Variants in SHANK1 observed in about 807,000 individuals in gnomAD.
SHANK1 encodes the protein SH3 and multiple ankyrin repeat domains 1, also known as SH3 and multiple ankyrin repeat domains protein 1.
SHANK1 carries 35 observed loss-of-function variants against 165.6 expected under a neutral mutation model. The observed-to-expected ratio is 0.21, with a 90% CI of 0.16 to 0.28. The LOEUF is 0.28. Ranked by LOEUF, SHANK1 falls within the 10% of genes least tolerant of loss-of-function variation. SHANK1 has a pLI of 1.00. For missense variants in SHANK1, 2,681 were observed against 3,036.4 expected (o/e 0.88, Z 2.75); for synonymous variants, 1,428 against 1,384.8 (o/e 1.03, Z -0.69).
chr19:50,693,257 A>C (rs1986600934), intron 15 of SHANK1, among the ~76,000 whole-genome samples: 10 of 21,578 alleles, frequency 4.6e-4, no homozygotes, highest in South Asian at 1.4e-3. Context: ...TCCCCACCCC[A>C]TTTCTCTGCT....
Position 50,686,405 on chromosome 19 carries a change from G to A in SHANK1, c.2459-50C>T, listed in dbSNP as rs749966901. 112 of 1,354,428 alleles carry A rather than the reference G, an allele frequency of 8.3e-5. No individual in the cohort carries two copies. The highest frequency in any genetic ancestry group is 1.1e-4 in the Non-Finnish European group (108 of 976,506). 83.9% of individuals were successfully genotyped at this position (1,354,428 alleles called of 1,614,324 possible). On this transcript the variant is annotated intron_variant, in intron 20 of 23. Coordinates refer to ENST00000293441, the MANE Select transcript of SHANK1 (RefSeq NM_016148.5). The surrounding 1 kb of genome is among the most constrained non-coding windows in gnomAD (Gnocchi z 5.7). ...GTGGGAAGACAATGAAATGAAGTTT[G>A]CTTTGACCCGGGCCGCAAAGACCAG...
At chr19:50,694,343 G>A (rs1345789192) in intron 15 of SHANK1, among the ~76,000 whole-genome samples, 1 of 151,368 alleles carries the variant, frequency 6.6e-6, no homozygotes, top group Non-Finnish European at 1.5e-5. Flanking sequence ...GATGGAGGGG[G>A]GATGACTGTG....
chr19:50,694,616 T>C (rs1305795231), intron 15 of SHANK1, among the ~76,000 whole-genome samples: 6 of 52,032 alleles, frequency 1.2e-4, no homozygotes, highest in African/African-American at 4.9e-4. Flanking sequence ...TGGAAGGGCC[T>C]GTGAGGGGGT....
Position 50,704,534 on chromosome 19 carries a change from G to C in SHANK1, c.1078-20C>G. On this transcript the variant is annotated intron_variant, in intron 8 of 23. Coordinates refer to ENST00000293441, the MANE Select transcript of SHANK1 (RefSeq NM_016148.5). ...GGTCTCCTGCGGGTAATGGCCAGTG[G>C]CACAGGACAAAGAGAGAGAGAAAAA... The C allele has an allele frequency of 6.2e-7, 1 of 1,607,014 alleles. No homozygotes were observed. The highest frequency in any genetic ancestry group is 2.2e-5 in the East Asian group (1 of 44,822).
chr19:50,704,262 C>T, intron 9 of SHANK1, 76 bp from the exon 10 acceptor site: 1 of 1,496,568 alleles, frequency 6.7e-7, no homozygotes, highest in South Asian at 1.1e-5. Context: ...GTGGCGAGGT[C>T]CCTGGCCCGA....
chr19:50,691,896 G>A (rs1258393571), intron 15 of SHANK1, among the ~76,000 whole-genome samples: 3 of 151,858 alleles, frequency 2.0e-5, no homozygotes, highest in African/African-American at 4.8e-5. Flanking sequence ...TCTTTCCCAC[G>A]CTGGTCTTGA....
At position 50,715,307 on chromosome 19, in the gene SHANK1, G is replaced by A. The variant is rs941727380; in HGVS notation, c.531+352C>T. ...CTAGGCAGAAGGACCTTCAGTGTCA[G>A]GGTCCTAGGCCAAGGTGGGGAAGTA... is the stretch of plus-strand genomic sequence containing the variant. On this transcript the variant is annotated intron_variant, in intron 4 of 23. Transcript: ENST00000293441. 4.6e-5 allele frequency among the ~76,000 whole-genome samples: 7 copies of A among 152,238 alleles called. No individual in the cohort carries two copies. In the South Asian group the frequency reaches 1.5e-3, roughly 32 times the overall value.
At position 50,690,035 on chromosome 19, in the gene SHANK1, A is replaced by G. The variant is rs940180816; in HGVS notation, c.1965-756T>C. The stretch of plus-strand genomic sequence containing the variant: ...ACAGTGGCCATATTTCCAAGTGTGC[A>G]GAAGCTGCACATGGCTGGTGGCCAC... On this transcript the variant is annotated intron_variant, in intron 15 of 23. Transcript: ENST00000293441. The surrounding 1 kb of genome is among the most constrained non-coding windows in gnomAD (Gnocchi z 4.9). 6.6e-6 allele frequency among the ~76,000 whole-genome samples: 1 copy of G among 152,234 alleles called. No individual in the cohort carries two copies. Among genetic ancestry groups the G allele is most frequent in the Non-Finnish European group, 1.5e-5 (1 of 68,030 alleles).
In SHANK1 at chr19:50,659,959, C is replaced by T. The variant is rs1054134747; in HGVS notation, c.*2006G>A. 2.0e-5 allele frequency among the ~76,000 whole-genome samples: 3 copies of T among 150,984 alleles called. No homozygotes were observed. The highest frequency in any genetic ancestry group is 6.6e-5 in the Admixed American group (1 of 15,240). Reference sequence around the variant, plus strand: ...ACCCCTCCCCCCTCCCACGACCCTCCCACGAGGTTCCCCGCAGATCCCTGA... The same window carrying T: ...ACCCCTCCCCCCTCCCACGACCCTCTCACGAGGTTCCCCGCAGATCCCTGA... On this transcript the variant is annotated 3_prime_UTR_variant, in exon 24 of 24. Transcript: ENST00000293441.
chr19:50,695,880 G>A (rs957585259), intron 15 of SHANK1, among the ~76,000 whole-genome samples: 1 of 152,210 alleles, frequency 6.6e-6, no homozygotes, highest in Non-Finnish European at 1.5e-5. Flanking sequence ...GCCAGCGCGG[G>A]GAGGGGGCGG....
chr19:50,668,245 C>A lies in SHANK1; in HGVS notation c.3715G>T (p.Ala1239Ser). 1 of 1,456,040 alleles carries A rather than the reference C, an allele frequency of 6.9e-7. No individual in the cohort carries two copies. The allele number at this position is 1,456,040 out of a possible 1,614,324, so 90.2% of individuals were successfully genotyped here. The change falls in exon 23 of 24, where the codon GCG becomes TCG. Residue 1239 changes from alanine to serine, a missense_variant. Ala to Ser is a moderately conservative substitution (Grantham distance 99). Around this residue, in one of 10 missense-constraint regions of SHANK1, gnomAD observed 1,713 missense variants for 1,630.2 expected, o/e 1.05. Coordinates refer to ENST00000293441, the MANE Select transcript of SHANK1 (RefSeq NM_016148.5). ...TGCCAGCCCCCCTCCCTCCGGGCCG[C>A]CCCCACCAGGGCGGCCCCGAACTGG... The part of the protein sequence containing the change: ...TSQFGAALVG[A>S]ARREGGWQNE...
In SHANK1 at chr19:50,687,714, C is replaced by T. The variant is rs1233212573; in HGVS notation, c.2309-52G>A. The T allele has an allele frequency of 1.0e-5, 14 of 1,382,556 alleles. No homozygotes were observed. In the South Asian group the frequency reaches 1.6e-4, roughly 16 times the overall value. 85.6% of individuals were successfully genotyped at this position (1,382,556 alleles called of 1,614,324 possible). ...AGTATCATGGGGGAGATGCCCCCACCACCCTCTACCACCACAGGGCTCCCA... is the reference window on the plus strand; with the variant it reads ...AGTATCATGGGGGAGATGCCCCCACTACCCTCTACCACCACAGGGCTCCCA... On this transcript the variant is annotated intron_variant, in intron 18 of 23. Coordinates refer to ENST00000293441, the MANE Select transcript of SHANK1 (RefSeq NM_016148.5).
chr19:50,697,465 TG>T lies in SHANK1; in HGVS notation c.1937+123del, dbSNP rs1986778512. 1 of 890,678 alleles carries T rather than the reference TG, an allele frequency of 1.1e-6. No homozygotes were observed. The highest frequency in any genetic ancestry group is 1.8e-5 in the Admixed American group (1 of 56,700). 55.2% of individuals were successfully genotyped at this position (890,678 alleles called of 1,614,324 possible). ...AGCTAATTCTGGCTTATCCCACCCCTGGATCAAACTTGAGAAGGAACAGATT... is the reference window on the plus strand; with the variant it reads ...AGCTAATTCTGGCTTATCCCACCCCTGATCAAACTTGAGAAGGAACAGATT... On this transcript the variant is annotated intron_variant, in intron 14 of 23. Coordinates refer to ENST00000293441, the MANE Select transcript of SHANK1 (RefSeq NM_016148.5). The surrounding 1 kb of genome is among the most constrained non-coding windows in gnomAD (Gnocchi z 4.7).
Position 50,711,991 on chromosome 19 carries a change from G to T in SHANK1, c.916C>A (p.Gln306Lys), listed in dbSNP as rs1205715532. The part of the protein sequence containing the change: ...CCELLLFNRA[Q>K]LGIADENGWQ... ...CCGTTCTCATCAGCTATGCCCAGCTGGGCCCTGTTGAACAGGAGCAGCTCG... is the reference window on the plus strand; with the variant it reads ...CCGTTCTCATCAGCTATGCCCAGCTTGGCCCTGTTGAACAGGAGCAGCTCG... The change falls in exon 7 of 24, where the codon CAG becomes AAG. Residue 306 changes from glutamine (Q) to lysine (K), a missense_variant. Physicochemically the swap from Gln to Lys is moderately conservative, Grantham distance 53. Coordinates refer to ENST00000293441, the MANE Select transcript of SHANK1 (RefSeq NM_016148.5). 2 of 1,614,090 alleles carry T rather than the reference G, an allele frequency of 1.2e-6. No homozygotes were observed. Among genetic ancestry groups the T allele is most frequent in the Non-Finnish European group, 1.7e-6 (2 of 1,180,008 alleles).
At chr19:50,684,232 T>G (rs1360420601) in intron 21 of SHANK1, among the ~76,000 whole-genome samples, 4 of 151,836 alleles carry the variant, frequency 2.6e-5, no homozygotes, top group South Asian at 4.2e-4. Context: ...GAAGAAGGTT[T>G]TTTTTTTTTT....
intron 6 of SHANK1, among the ~76,000 whole-genome samples, chr19:50,712,867 C>G (rs1419285019): frequency 6.7e-6 from 1 of 149,980 alleles, no homozygotes; most frequent in Non-Finnish European, 1.5e-5. Flanking sequence ...TTTAATTTTA[C>G]TTCATTCTAT....
rs1191135610 is a variant in SHANK1, at chr19:50,667,960, G to A, written c.4000C>T (p.Pro1334Ser). 3 of 1,413,646 alleles carry A rather than the reference G, an allele frequency of 2.1e-6. No individual in the cohort carries two copies. Among genetic ancestry groups the A allele is most frequent in the Admixed American group, 3.0e-5 (1 of 33,278 alleles). 87.6% of individuals were successfully genotyped at this position (1,413,646 alleles called of 1,614,324 possible). The change falls in exon 23 of 24, where the codon CCC becomes TCC. Residue 1334 changes from proline to serine, a missense_variant. Physicochemically the swap from Pro to Ser is moderately conservative, Grantham distance 74. Transcript: ENST00000293441. The surrounding 1 kb of genome is among the most constrained non-coding windows in gnomAD (Gnocchi z 5.7). ...AGCGGGTGCACCAGGGGTCGCGGGG[G>A]CAGGAAGCTGGTGAAGGCGCTGCTG... ...GGSSAFTSFLPPRPLVHPLTG... is the reference protein window; with the variant it reads ...GGSSAFTSFLSPRPLVHPLTG...
chr19:50,672,153 T>C (rs372040619), intron 21 of SHANK1, 39 bp from the exon 22 acceptor site: 10 of 1,506,402 alleles, frequency 6.6e-6, no homozygotes, highest in South Asian at 3.4e-5. Context: ...AGAGAAAAGA[T>C]AGAGAGAGAT....
intron 7 of SHANK1, 40 bp downstream of exon 7, chr19:50,711,907 G>A (rs1327288096): frequency 6.2e-7 from 1 of 1,611,988 alleles, no homozygotes; most frequent in East Asian, 2.2e-5. Context: ...CAGGGACTGG[G>A]TCCCCCACCC....
Sources: gnomAD v4.1 joint callset for allele counts (sites outside exome capture counted in the v4.1 genomes callset) on GRCh38, gnomAD v4.1.1 for gene constraint, gnomAD v4.1.1 regional missense constraint, Gnocchi (gnomAD v3.1) non-coding constraint, MANE v1.5 for transcripts, NCBI Gene and HGNC (gene_info 2026-07-23, HGNC 2026-07-21) for gene names.